ADAMTS12: variants seen among roughly 807,000 people sequenced by gnomAD.
ADAMTS12 encodes the protein A disintegrin and metalloproteinase with thrombospondin motifs 12.
ADAMTS12 carries 118 observed loss-of-function variants against 167.8 expected under a neutral mutation model. That is an observed-to-expected ratio of 0.70 (90% confidence interval 0.61 to 0.82). The LOEUF is 0.82. Ranked by LOEUF, ADAMTS12 falls within the 40% of genes least tolerant of loss-of-function variation. The pLI is 0.00. For missense variants in ADAMTS12, 1,916 were observed against 1,998.8 expected (o/e 0.96, Z 0.79); for synonymous variants, 704 against 716.9 (o/e 0.98, Z 0.29).
chr5:33,643,904 C>A (rs1740566066), intron 9 of ADAMTS12, among the ~76,000 whole-genome samples: 2 of 152,196 alleles, frequency 1.3e-5, no homozygotes, highest in South Asian at 2.1e-4. Context: ...GAAACTCTTC[C>A]ATCTAGAAAG....
intron 2 of ADAMTS12, among the ~76,000 whole-genome samples, chr5:33,850,882 G>A (rs965158113): frequency 2.6e-5 from 4 of 152,114 alleles, no homozygotes; most frequent in African/African-American, 9.7e-5. Flanking sequence ...CACCCCATGA[G>A]GTGATATGCT....
intron 16 of ADAMTS12, among the ~76,000 whole-genome samples, chr5:33,601,223 T>A (rs1382403733): frequency 6.6e-6 from 1 of 152,012 alleles, no homozygotes; most frequent in Non-Finnish European, 1.5e-5. Flanking sequence ...TACTGAGTAA[T>A]CTTGGACAAT....
intron 2 of ADAMTS12, among the ~76,000 whole-genome samples, chr5:33,867,307 C>T (rs747662353): frequency 1.3e-5 from 2 of 152,090 alleles, no homozygotes; most frequent in Non-Finnish European, 2.9e-5. Flanking sequence ...ATGTCTTTTG[C>T]AGAAACTTGG....
intron 1 of ADAMTS12, chr5:33,888,036 C>A (rs566560404): frequency 6.6e-6 from 1 of 152,138 alleles, no homozygotes; most frequent in Non-Finnish European, 1.5e-5. Context: ...TGAGCCACCA[C>A]GCCGGCCTAT....
At chr5:33,885,269 A>G (rs1367215458) in intron 1 of ADAMTS12, among the ~76,000 whole-genome samples, 1 of 152,232 alleles carries the variant, frequency 6.6e-6, no homozygotes, top group East Asian at 1.9e-4. Context: ...CTATAATTGC[A>G]ATTGTGAGAT....
intron 2 of ADAMTS12, among the ~76,000 whole-genome samples, chr5:33,812,460 C>T (rs998165647): frequency 6.6e-6 from 1 of 152,202 alleles, no homozygotes; most frequent in African/African-American, 2.4e-5. Context: ...TACCAAGTTA[C>T]TCACCTCAAG....
At chr5:33,574,799 C>A (rs1326783613) in intron 19 of ADAMTS12, among the ~76,000 whole-genome samples, 2 of 151,976 alleles carry the variant, frequency 1.3e-5, no homozygotes, top group South Asian at 4.2e-4. Context: ...AAATTACATA[C>A]TTTATAAATT....
chr5:33,871,490 A>C (rs961806815), intron 2 of ADAMTS12, among the ~76,000 whole-genome samples: 1 of 152,154 alleles, frequency 6.6e-6, no homozygotes, highest in Non-Finnish European at 1.5e-5. Context: ...GTGATATATA[A>C]AAAGAATTGT....
intron 19 of ADAMTS12, among the ~76,000 whole-genome samples, chr5:33,566,939 A>G (rs766085301): frequency 6.6e-6 from 1 of 152,188 alleles, no homozygotes; most frequent in South Asian, 2.1e-4. Flanking sequence ...AAATTTGATG[A>G]TGGGAAGATG....
In ADAMTS12 at chr5:33,891,928, G is replaced by C. The variant is rs1338637901; in HGVS notation, c.-72C>G. ...AGCTCCAGAAATAAAGCGCTCGCCT[G>C]TGGCCCAGCAGGAAGATGCAGGGGT... On this transcript the variant is annotated 5_prime_UTR_variant, in exon 1 of 24. Coordinates refer to ENST00000504830, the MANE Select transcript of ADAMTS12 (RefSeq NM_030955.4). 6.4e-7 allele frequency: 1 copy of C among 1,567,272 alleles called. No homozygotes were observed. The highest frequency in any genetic ancestry group is 1.4e-5 in the African/African-American group (1 of 72,788).
intron 17 of ADAMTS12, among the ~76,000 whole-genome samples, chr5:33,595,605 T>G (rs1440971150): frequency 2.0e-5 from 3 of 152,212 alleles, no homozygotes; most frequent in Non-Finnish European, 4.4e-5. Context: ...GTTGCACTGG[T>G]AAAGCCCTTG....
At chr5:33,831,116 T>G (rs916553855) in intron 2 of ADAMTS12, among the ~76,000 whole-genome samples, 5 of 152,070 alleles carry the variant, frequency 3.3e-5, no homozygotes, top group African/African-American at 1.2e-4. Flanking sequence ...GTTAAAACAA[T>G]TGAAATAACA....
intron 21 of ADAMTS12, among the ~76,000 whole-genome samples, 185 bp downstream of exon 21, chr5:33,549,022 T>G (rs1009730291): frequency 2.6e-5 from 4 of 152,244 alleles, no homozygotes; most frequent in African/African-American, 9.6e-5. Flanking sequence ...CGTGGAATTT[T>G]TTCACCTCCT....
chr5:33,611,337 C>CA (rs1424847161), intron 16 of ADAMTS12, among the ~76,000 whole-genome samples: 3 of 140,936 alleles, frequency 2.1e-5, no homozygotes, highest in African/African-American at 7.7e-5. Context: ...AGCTGTGGGA[C>CA]TTTTTTTTTT....
chr5:33,666,204 C>T (rs1741458996), intron 5 of ADAMTS12, among the ~76,000 whole-genome samples: 1 of 152,236 alleles, frequency 6.6e-6, no homozygotes, highest in African/African-American at 2.4e-5. Context: ...GGACACCCTC[C>T]ACCGTTAACA....
At chr5:33,747,943 A>C (rs1046875043) in intron 3 of ADAMTS12, among the ~76,000 whole-genome samples, 3 of 152,200 alleles carry the variant, frequency 2.0e-5, no homozygotes, top group African/African-American at 7.2e-5. Context: ...AACCTGGCGC[A>C]AAGAAGATAC....
At chr5:33,796,640 C>T (rs1746789284) in intron 2 of ADAMTS12, among the ~76,000 whole-genome samples, 1 of 152,138 alleles carries the variant, frequency 6.6e-6, no homozygotes. Flanking sequence ...ACACATGTCA[C>T]TTCCAGGCCA....
chr5:33,576,434 G>T lies in ADAMTS12; in HGVS notation c.3592C>A (p.Pro1198Thr), dbSNP rs1470741751. Reference protein sequence around the residue: ...PVESTEMPLAPPLTPDLSRES... With the variant: ...PVESTEMPLATPLTPDLSRES... ...CTGCTGAGATCTGGTGTTAGTGGAG[G>T]TGCAAGTGGCATTTCTGTACTTTCC... The change falls in exon 19 of 24, where the codon CCT becomes ACT. Residue 1198 changes from proline to threonine, a missense_variant. Physicochemically the swap from Pro to Thr is conservative, Grantham distance 38. Coordinates refer to ENST00000504830, the MANE Select transcript of ADAMTS12 (RefSeq NM_030955.4). The T allele has an allele frequency of 6.2e-7, 1 of 1,612,134 alleles. No individual in the cohort carries two copies. Among genetic ancestry groups the T allele is most frequent in the East Asian group, 2.2e-5 (1 of 44,848 alleles).
chr5:33,803,245 T>C (rs1391741303), intron 2 of ADAMTS12, among the ~76,000 whole-genome samples: 1 of 152,068 alleles, frequency 6.6e-6, no homozygotes, highest in Non-Finnish European at 1.5e-5. Flanking sequence ...ACAAAACTAT[T>C]ACAAACCCCA....
Sources: allele counts gnomAD v4.1 joint callset (sites outside exome capture counted in the v4.1 genomes callset), GRCh38; gene constraint gnomAD v4.1.1; transcripts MANE v1.5; gene names NCBI Gene and HGNC (gene_info 2026-07-23, HGNC 2026-07-21).